DNAJC6: variants seen among roughly 807,000 people sequenced by gnomAD.
DNAJC6 encodes DnaJ heat shock protein family (Hsp40) member C6, also known as auxilin.
A neutral mutation model predicts 110.0 loss-of-function variants in DNAJC6; 34 were observed. That is an observed-to-expected ratio of 0.31 (90% CI 0.24 to 0.41). DNAJC6 has a LOEUF of 0.41. Among genes scored for constraint, DNAJC6 ranks in the 10% least tolerant of loss-of-function variants. The pLI is 1.00. For missense variants in DNAJC6, 1,031 were observed against 1,207.8 expected, an observed-to-expected ratio of 0.85 and a Z score of 2.17; for synonymous variants, 406 against 437.2, an observed-to-expected ratio of 0.93 and a Z score of 0.89.
intron 1 of DNAJC6, among the ~76,000 whole-genome samples, chr1:65,286,630 C>T (rs1312514333): frequency 6.6e-6 from 1 of 152,162 alleles, no homozygotes; most frequent in African/African-American, 2.4e-5. Flanking sequence ...AAGACTACAA[C>T]AGAAAAGATG....
At chr1:65,327,108 G>A (rs191080151) in intron 1 of DNAJC6, among the ~76,000 whole-genome samples, 1 of 152,240 alleles carries the variant, frequency 6.6e-6, no homozygotes, top group Admixed American at 6.5e-5. Context: ...TCTTGAATGG[G>A]GACATTAGTG....
chr1:65,313,911 C>T (rs529683162), intron 1 of DNAJC6, among the ~76,000 whole-genome samples: 1 of 152,230 alleles, frequency 6.6e-6, no homozygotes, highest in South Asian at 2.1e-4. Flanking sequence ...GCCGAAAACC[C>T]CCTATTTCTC....
intron 1 of DNAJC6, among the ~76,000 whole-genome samples, chr1:65,343,748 A>T (rs2889159): frequency 0.053 from 8,085 of 152,160 alleles, 468 homozygotes; most frequent in East Asian, 0.23. Flanking sequence ...TTAATAAAAA[A>T]AAAGGAAAAA....
intron 12 of DNAJC6, among the ~76,000 whole-genome samples, chr1:65,393,436 T>C (rs1645948334): frequency 6.6e-6 from 1 of 152,130 alleles, no homozygotes; most frequent in African/African-American, 2.4e-5. Flanking sequence ...CTTCCTGAAG[T>C]TATAGTTTTC....
intron 1 of DNAJC6, among the ~76,000 whole-genome samples, chr1:65,314,842 G>A (rs935688436): frequency 4.6e-5 from 7 of 152,198 alleles, no homozygotes; most frequent in Admixed American, 3.3e-4. Context: ...CTGGATAATC[G>A]TTTAAAGATG....
upstream of DNAJC6, among the ~76,000 whole-genome samples, chr1:65,304,835 A>G (rs1645022575): frequency 6.6e-6 from 1 of 152,240 alleles, no homozygotes; most frequent in African/African-American, 2.4e-5. Context: ...ATTGGGAAGT[A>G]GTAGTGAACT....
At chr1:65,288,888 T>C (rs9436264) in intron 1 of DNAJC6, among the ~76,000 whole-genome samples, 13,512 of 152,254 alleles carry the variant, frequency 0.089, 960 homozygotes, top group East Asian at 0.23. Flanking sequence ...TAAGGGAATA[T>C]ACTAATTTAG....
At chr1:65,312,190 C>T (rs868567115) in intron 1 of DNAJC6, among the ~76,000 whole-genome samples, 12 of 152,122 alleles carry the variant, frequency 7.9e-5, no homozygotes, top group African/African-American at 2.9e-4. Context: ...TGCAGGGATT[C>T]CTTTTCTCCT....
chr1:65,378,921 G>T (rs1645792039), intron 4 of DNAJC6, among the ~76,000 whole-genome samples: 1 of 152,158 alleles, frequency 6.6e-6, no homozygotes, highest in African/African-American at 2.4e-5. Context: ...CCTGTAAGTT[G>T]TGTCCTTTGA....
Position 65,394,886 on chromosome 1 carries a change from A to G in DNAJC6, c.1904-12A>G, listed in dbSNP as rs774888599. On this transcript the variant is annotated splice_polypyrimidine_tract_variant and intron_variant, in intron 12 of 18. Transcript: ENST00000371069. Reference sequence around the variant, plus strand: ...ATGGGACAAATAAATATATTTTCCCATTGTTTTCTAGGTGCCACCTTTGAC... The same window carrying G: ...ATGGGACAAATAAATATATTTTCCCGTTGTTTTCTAGGTGCCACCTTTGAC... 1.6e-5 allele frequency: 25 copies of G among 1,576,428 alleles called. No individual in the cohort carries two copies. The African/African-American group carries it at 2.3e-4, about 15-fold the overall frequency.
At position 65,284,469 on chromosome 1, in the gene DNAJC6, C is replaced by T. The variant is rs140808293; in HGVS notation, c.-131+19537C>T. ...CAGAGTGTCCTTAATGGAACACCCA[C>T]ACCTCTCCTCTAGTACTGAGTCTGT... is the stretch of plus-strand genomic sequence containing the variant. On this transcript the variant is annotated intron_variant, in intron 1 of 19. Transcript: ENST00000263441. Among the ~76,000 whole-genome samples, 1,037 of 152,266 alleles carry T rather than the reference C, an allele frequency of 6.8e-3. 12 individuals are homozygous for T. Among genetic ancestry groups the T allele is most frequent in the African/African-American group, 0.024 (992 of 41,544 alleles).
At chr1:65,311,968 A>T (rs535066254) in intron 1 of DNAJC6, among the ~76,000 whole-genome samples, 3 of 152,186 alleles carry the variant, frequency 2.0e-5, no homozygotes, top group Non-Finnish European at 4.4e-5. Flanking sequence ...CAGTAACTAT[A>T]ACACAGAGCA....
rs562964699 is a variant in DNAJC6 at position 65,304,086 on chromosome 1, G to T, written c.-131+39154G>T. On this transcript the variant is annotated intron_variant, in intron 1 of 19. Transcript: ENST00000263441. ...CCTCAAAATAAGAATAAAATCTTTA[G>T]ATTTAAGGTAGGTAAGGCACCTGGC... Among the ~76,000 whole-genome samples, 3 of 152,016 alleles carry T rather than the reference G, an allele frequency of 2.0e-5. No homozygotes were observed. In the East Asian group the frequency reaches 5.8e-4, roughly 29 times the overall value.
intron 1 of DNAJC6, among the ~76,000 whole-genome samples, chr1:65,337,872 C>T (rs913456095): frequency 4.6e-5 from 7 of 152,150 alleles, no homozygotes; most frequent in African/African-American, 1.7e-4. Flanking sequence ...AGAGGGACAT[C>T]AGTATTCTTA....
At chr1:65,383,031 G>A (rs1238688184) in intron 5 of DNAJC6, among the ~76,000 whole-genome samples, 3 of 152,186 alleles carry the variant, frequency 2.0e-5, no homozygotes, top group Non-Finnish European at 2.9e-5. Context: ...TCTCACAAAA[G>A]GATGAGGGTC....
At chr1:65,335,725 G>T (rs2101468904) in intron 1 of DNAJC6, among the ~76,000 whole-genome samples, 1 of 152,262 alleles carries the variant, frequency 6.6e-6, no homozygotes, top group South Asian at 2.1e-4. Flanking sequence ...AAGGCAAGAG[G>T]GGTACAGAGG....
chr1:65,401,065 T>G (rs1037242297), intron 14 of DNAJC6, among the ~76,000 whole-genome samples: 3 of 152,164 alleles, frequency 2.0e-5, no homozygotes, highest in Admixed American at 6.5e-5. Flanking sequence ...CTATGATGAT[T>G]AGTGTTGTTA....
At chr1:65,316,102 A>G (rs1307586049) in intron 1 of DNAJC6, among the ~76,000 whole-genome samples, 1 of 152,228 alleles carries the variant, frequency 6.6e-6, no homozygotes, top group Non-Finnish European at 1.5e-5. Context: ...GGAAAAATAT[A>G]TTGCAAATGA....
rs555406307 is a variant in DNAJC6, at chr1:65,325,530, A to G, written c.193+15592A>G. Among the ~76,000 whole-genome samples the G allele has an allele frequency of 4.6e-5, 7 of 152,304 alleles. No individual in the cohort carries two copies. In the South Asian group the frequency reaches 1.5e-3, roughly 32 times the overall value. ...AGTGTTTAGGAGAGTGTCTAGCTCA[A>G]TGAAATTTGCATTCTTGTTTTTGTT... is the stretch of plus-strand genomic sequence containing the variant. On this transcript the variant is annotated intron_variant, in intron 1 of 18. Transcript: ENST00000371069.
Sources: gnomAD v4.1 joint callset for allele counts (sites outside exome capture counted in the v4.1 genomes callset) on GRCh38, gnomAD v4.1.1 for gene constraint, MANE v1.5 for transcripts, NCBI Gene and HGNC (gene_info 2026-07-23, HGNC 2026-07-21) for gene names.